SMOC1: variants seen among roughly 807,000 people sequenced by gnomAD.
The protein encoded by SMOC1 is SPARC related modular calcium binding 1.
Under a neutral mutation model 56.3 loss-of-function variants are expected in SMOC1, and 22 were observed. The observed-to-expected ratio is 0.39, with a 90% CI of 0.28 to 0.56. The LOEUF is 0.56. Among genes scored for constraint, SMOC1 ranks in the 20% least tolerant of loss-of-function variants. The probability of loss-of-function intolerance (pLI) is 0.61; values close to 1 mark genes in which losing one functional copy is unlikely to be tolerated. For synonymous variants in SMOC1, 193 were observed against 215.0 expected (o/e 0.90, Z 0.89); for missense variants, 509 against 565.4 (o/e 0.90, Z 1.01).
intron 5 of SMOC1, among the ~76,000 whole-genome samples, chr14:69,990,846 G>A (rs754179401): frequency 7.9e-5 from 12 of 152,110 alleles, no homozygotes; most frequent in Admixed American, 1.3e-4. Context: ...GCAAGAGTTG[G>A]GTCTTGGTGT....
chr14:69,959,627 T>C (rs145269622), intron 3 of SMOC1, among the ~76,000 whole-genome samples: 1 of 151,610 alleles, frequency 6.6e-6, no homozygotes, highest in Non-Finnish European at 1.5e-5. Context: ...CCTCCAACAG[T>C]GCACACATGT....
intron 1 of SMOC1, among the ~76,000 whole-genome samples, chr14:69,883,816 C>T (rs1331464162): frequency 1.3e-5 from 2 of 150,308 alleles, no homozygotes; most frequent in Non-Finnish European, 3.0e-5. Context: ...TTGATAATAG[C>T]CATTCTAACT....
chr14:69,883,889 ATTTTTTTTTTTTTTT>A (rs34300667), intron 1 of SMOC1, among the ~76,000 whole-genome samples: 28 of 66,622 alleles, frequency 4.2e-4, no homozygotes, highest in African/African-American at 1.9e-3. Flanking sequence ...GATGTTGAGC[ATTTTTTTTTTTTTTT>A]TTTTTTTTTT....
chr14:69,919,892 C>A (rs895614819), intron 1 of SMOC1, among the ~76,000 whole-genome samples: 25 of 150,776 alleles, frequency 1.7e-4, no homozygotes, highest in Middle Eastern at 3.5e-3. Flanking sequence ...TGGACTAAAT[C>A]ATCCTATGAA....
chr14:69,936,147 CCACCGTTTGT>C (rs1384134287), intron 1 of SMOC1, among the ~76,000 whole-genome samples: 1 of 152,198 alleles, frequency 6.6e-6, no homozygotes, highest in Middle Eastern at 3.2e-3. Context: ...CGACATATCA[CCACCGTTTGT>C]CACCTTCTAG....
chr14:69,937,306 TA>T lies in SMOC1; in HGVS notation c.100-14829del, dbSNP rs1170668587. Among the ~76,000 whole-genome samples the T allele has an allele frequency of 7.2e-5, 11 of 152,332 alleles. No homozygotes were observed. In the South Asian group the frequency reaches 2.3e-3, roughly 32 times the overall value. On this transcript the variant is annotated intron_variant, in intron 1 of 11. Coordinates refer to ENST00000361956, the MANE Select transcript of SMOC1 (RefSeq NM_001034852.3). ...GAGGGAAATCTGACCTTAAGGGTTA[TA>T]AATGTCTGGACTAATAGAAAAAGAT...
rs779667173 is a variant in SMOC1 at position 70,027,989 on chromosome 14, C to T, written c.1292-2253C>T. 9.9e-5 allele frequency among the ~76,000 whole-genome samples: 15 copies of T among 152,258 alleles called. 1 individual carries two copies. The South Asian group carries it at 2.1e-3, about 21-fold the overall frequency. On this transcript the variant is annotated intron_variant, in intron 11 of 11. Coordinates refer to ENST00000361956, the MANE Select transcript of SMOC1 (RefSeq NM_001034852.3). ...CGTCGGTCATCCATCCCGTGTCGTG[C>T]GGTGCCCCCTGGTGGGCTGCGAGGG...
intron 1 of SMOC1, among the ~76,000 whole-genome samples, chr14:69,895,337 G>A (rs1884066529): frequency 6.6e-6 from 1 of 152,232 alleles, no homozygotes; most frequent in Admixed American, 6.5e-5. Flanking sequence ...AGAACAAGTA[G>A]CCAGCGATTC....
At chr14:69,966,658 C>G (rs956604050) in intron 3 of SMOC1, among the ~76,000 whole-genome samples, 1 of 152,176 alleles carries the variant, frequency 6.6e-6, no homozygotes, top group Non-Finnish European at 1.5e-5. Flanking sequence ...CTTAATTGCT[C>G]TCAGAGACAG....
At chr14:70,030,195 C>T in intron 11 of SMOC1, 47 bp from the exon 12 acceptor site, 1 of 1,601,280 alleles carries the variant, frequency 6.2e-7, no homozygotes, top group Non-Finnish European at 8.5e-7. Context: ...TTATATCTGC[C>T]CCCGACCTTT....
At chr14:69,924,727 GGAGGAGAGGTAGGGGAA>G in intron 1 of SMOC1, among the ~76,000 whole-genome samples, 1 of 91,544 alleles carries the variant, frequency 1.1e-5, no homozygotes, top group African/African-American at 4.8e-5. Flanking sequence ...AGGTAGGGGA[GGAGGAGAGGTAGGGGAA>G]GTAGGGGAGG....
chr14:69,973,072 G>C (rs796231791), intron 3 of SMOC1, among the ~76,000 whole-genome samples: 5 of 152,336 alleles, frequency 3.3e-5, no homozygotes, highest in East Asian at 1.9e-4. Flanking sequence ...AAGGAGGAGA[G>C]AGCAGCCTGC....
intron 1 of SMOC1, among the ~76,000 whole-genome samples, chr14:69,919,278 G>A (rs1243558109): frequency 6.6e-6 from 1 of 152,100 alleles, no homozygotes; most frequent in Non-Finnish European, 1.5e-5. Context: ...ATTCCCCCAT[G>A]GAGATGAAAA....
intron 1 of SMOC1, among the ~76,000 whole-genome samples, chr14:69,883,304 C>G (rs1883696205): frequency 1.3e-5 from 2 of 152,130 alleles, no homozygotes; most frequent in Admixed American, 1.3e-4. Context: ...CCTTCCTCAG[C>G]CTCTGGTAAC....
chr14:69,974,104 C>G (rs1396161069), intron 3 of SMOC1, among the ~76,000 whole-genome samples: 1 of 152,138 alleles, frequency 6.6e-6, no homozygotes, highest in Non-Finnish European at 1.5e-5. Flanking sequence ...CATCAATCAC[C>G]TACAATGAAT....
intron 1 of SMOC1, among the ~76,000 whole-genome samples, chr14:69,883,158 T>C (rs1883690848): frequency 1.3e-5 from 2 of 152,246 alleles, no homozygotes; most frequent in Non-Finnish European, 2.9e-5. Context: ...TAACATCCAC[T>C]CTTTGCATTT....
At chr14:69,964,663 C>T (rs1465141545) in intron 3 of SMOC1, among the ~76,000 whole-genome samples, 1 of 152,134 alleles carries the variant, frequency 6.6e-6, no homozygotes, top group Non-Finnish European at 1.5e-5. Flanking sequence ...AGGAACTGCT[C>T]TTCTTTTTTA....
chr14:69,935,430 G>A (rs932684699), intron 1 of SMOC1, among the ~76,000 whole-genome samples: 1 of 152,154 alleles, frequency 6.6e-6, no homozygotes, highest in Non-Finnish European at 1.5e-5. Context: ...TCTTTTTGGA[G>A]GCCGATCAGA....
At chr14:69,930,753 G>A (rs925256595) in intron 1 of SMOC1, among the ~76,000 whole-genome samples, 7 of 152,192 alleles carry the variant, frequency 4.6e-5, no homozygotes, top group African/African-American at 1.7e-4. Flanking sequence ...CCCAGGCAAG[G>A]ACACTCGCAC....
Sources: allele counts gnomAD v4.1 joint callset (sites outside exome capture counted in the v4.1 genomes callset), GRCh38; gene constraint gnomAD v4.1.1; transcripts MANE v1.5; gene names NCBI Gene and HGNC (gene_info 2026-07-23, HGNC 2026-07-21).